NUP50: variants seen among roughly 807,000 people sequenced by gnomAD.
NUP50 encodes the protein nucleoporin 50.
Under a neutral mutation model 36.8 loss-of-function variants are expected in NUP50, and 14 were observed. The observed-to-expected ratio is 0.38, with a 90% CI of 0.25 to 0.59. NUP50 has a LOEUF of 0.59. Among genes scored for constraint, NUP50 ranks in the 20% least tolerant of loss-of-function variants. The pLI is 0.63. For missense variants in NUP50, 455 were observed against 564.6 expected (o/e 0.81, Z 1.97); for synonymous variants, 195 against 210.8 (o/e 0.93, Z 0.65).
chr22:45,185,702 T>C lies in NUP50; in HGVS notation c.*1047T>C, dbSNP rs1475188519. 1 of 152,264 alleles carries C rather than the reference T, an allele frequency of 6.6e-6. No homozygotes were observed. The highest frequency in any genetic ancestry group is 1.9e-4 in the East Asian group (1 of 5,200). The allele number at this position is 152,264 out of a possible 1,614,324, so 9.4% of individuals were successfully genotyped here. The stretch of plus-strand genomic sequence containing the variant: ...CATTTGATATCTGAAATATCTTTAC[T>C]TTTTTAAGAGTAAGATTCCATATGT... On this transcript the variant is annotated 3_prime_UTR_variant, in exon 8 of 8. Coordinates refer to ENST00000347635, the MANE Select transcript of NUP50 (RefSeq NM_007172.4).
intron 2 of NUP50, among the ~76,000 whole-genome samples, chr22:45,170,804 C>G (rs550322085): frequency 6.6e-6 from 1 of 152,284 alleles, no homozygotes; most frequent in Non-Finnish European, 1.5e-5. Flanking sequence ...TGAAAGAACT[C>G]CCATTCGAAC....
chr22:45,171,978 A>G (rs900420697), intron 3 of NUP50: 6 of 309,458 alleles, frequency 1.9e-5, no homozygotes, highest in Non-Finnish European at 3.7e-5. Context: ...GATTGGAGGA[A>G]GAAAGGAAAA....
At chr22:45,170,451 C>G (rs879383849) in intron 2 of NUP50, among the ~76,000 whole-genome samples, 2 of 152,206 alleles carry the variant, frequency 1.3e-5, no homozygotes, top group Admixed American at 1.3e-4. Context: ...AGGTTAACAG[C>G]ATAGTGCTAA....
chr22:45,164,953 T>A (rs370642536), intron 1 of NUP50: 1 of 152,210 alleles, frequency 6.6e-6, no homozygotes, highest in Non-Finnish European at 1.5e-5. Context: ...GCTTGGAGAT[T>A]AGGTATTTCT....
At chr22:45,174,575 C>G (rs2147681783) in intron 3 of NUP50, among the ~76,000 whole-genome samples, 1 of 152,210 alleles carries the variant, frequency 6.6e-6, no homozygotes, top group East Asian at 1.9e-4. Flanking sequence ...ATTCTAGAGC[C>G]AATTTACTAT....
chr22:45,171,815 G>C, intron 3 of NUP50, 132 bp downstream of exon 3: 1 of 708,218 alleles, frequency 1.4e-6, no homozygotes, highest in Non-Finnish European at 2.4e-6. Flanking sequence ...GTAGGTCATG[G>C]GAGATAGAAA....
chr22:45,168,888 T>C (rs1437035551), intron 2 of NUP50, among the ~76,000 whole-genome samples: 1 of 134,764 alleles, frequency 7.4e-6, no homozygotes, highest in Non-Finnish European at 1.5e-5. Context: ...TCCCGGTCTC[T>C]ATAAAAAAAA....
chr22:45,176,657 AT>A (rs1200039194), intron 4 of NUP50, among the ~76,000 whole-genome samples: 2 of 152,190 alleles, frequency 1.3e-5, no homozygotes, highest in East Asian at 3.8e-4. Flanking sequence ...TATTTAGCTG[AT>A]TATTCTGAGA....
At position 45,184,455 on chromosome 22, in the gene NUP50, A is replaced by G; in HGVS notation, c.1207A>G (p.Asn403Asp). 1 of 1,613,938 alleles carries G rather than the reference A, an allele frequency of 6.2e-7. No homozygotes were observed. The part of the protein sequence containing the change: ...LLVRADTNLG[N>D]ILLNVLIPPN... ...GGGTTTTGTTTGTTTGAATGCAGGC[A>G]ACATATTGCTGAACGTTCTGATTCC... The change falls in exon 8 of 8, where the codon AAC becomes GAC. Residue 403 changes from asparagine to aspartate, a missense_variant and splice_region_variant. Asn to Asp is a conservative substitution (Grantham distance 23). Around this residue, in one of 3 missense-constraint regions of NUP50, gnomAD observed 287 missense variants for 345.5 expected, o/e 0.83. Transcript: ENST00000347635.
At chr22:45,171,044 A>G in intron 2 of NUP50, 1 of 1,304,096 alleles carries the variant, frequency 7.7e-7, no homozygotes, top group Non-Finnish European at 1.0e-6. Flanking sequence ...TCTGACGTGG[A>G]CATCAGAAGT....
rs767231299 is a variant in NUP50 at position 45,186,839 on chromosome 22, TTTGA to T, written c.*2187_*2190del. 9.8e-5 allele frequency: 15 copies of T among 152,736 alleles called. No homozygotes were observed. The highest frequency in any genetic ancestry group is 9.6e-4 in the East Asian group (5 of 5,184). The allele number at this position is 152,736 out of a possible 1,614,324, so 9.5% of individuals were successfully genotyped here. ...GCTTTAGGAACTGGTTGGTCTCCAC[TTTGA>T]TTATTAGTGTAAAGAGCCTGAGTAT... On this transcript the variant is annotated 3_prime_UTR_variant, in exon 8 of 8. Coordinates refer to ENST00000347635, the MANE Select transcript of NUP50 (RefSeq NM_007172.4).
intron 3 of NUP50, among the ~76,000 whole-genome samples, chr22:45,174,387 G>C (rs978480239): frequency 6.6e-6 from 1 of 152,092 alleles, no homozygotes; most frequent in South Asian, 2.1e-4. Context: ...CTGTTGCCCA[G>C]GGTGGTTTCA....
Position 45,184,433 on chromosome 22 carries a change from TTTTG to T in NUP50, c.1205-11_1205-8del, listed in dbSNP as rs539347841. 1,559 of 1,611,780 alleles carry T rather than the reference TTTTG, an allele frequency of 9.7e-4. 35 individuals are homozygous for T. In the South Asian group the frequency reaches 0.015, roughly 15 times the overall value. On this transcript the variant is annotated splice_polypyrimidine_tract_variant and intron_variant, in intron 7 of 7. Transcript: ENST00000347635. The stretch of plus-strand genomic sequence containing the variant: ...CTATAGCTTCTATAATTTTGATGGG[TTTTG>T]TTTGTTTGAATGCAGGCAACATATT...
rs1394154790 is a variant in NUP50, at chr22:45,181,442, C to T, written c.1085+75C>T. The T allele has an allele frequency of 1.0e-5, 9 of 878,798 alleles. No individual in the cohort carries two copies. The East Asian group carries it at 2.1e-4, about 20-fold the overall frequency. 54.4% of individuals were successfully genotyped at this position (878,798 alleles called of 1,614,324 possible). A position where few individuals can be genotyped will look rare whatever the true frequency, so the allele number is the denominator to read the frequency against. ...CATGCTTCAGGCTGGAGAATGTCCT[C>T]ACGGCACTTGACTGAGCTTCCAGTC... On this transcript the variant is annotated intron_variant, in intron 6 of 7. Transcript: ENST00000347635.
intron 1 of NUP50, among the ~76,000 whole-genome samples, chr22:45,167,040 A>G (rs2074105176): frequency 6.6e-6 from 1 of 152,222 alleles, no homozygotes; most frequent in South Asian, 2.1e-4. Context: ...GATACTAAAG[A>G]GTGATATGTC....
intron 7 of NUP50, chr22:45,184,135 TCTTC>T (rs377074702): frequency 9.6e-5 from 33 of 342,400 alleles, no homozygotes; most frequent in African/African-American, 6.5e-4. Flanking sequence ...GCCACCGTGT[TCTTC>T]CTTCAGTGCA....
rs867231488 is a variant in NUP50 at position 45,186,871 on chromosome 22, G to A, written c.*2216G>A. On this transcript the variant is annotated 3_prime_UTR_variant, in exon 8 of 8. Transcript: ENST00000347635. ...ATTAGTGTAAAGAGCCTGAGTATAC[G>A]TGGATTTCATTGTAAAATTTAACTC... The A allele has an allele frequency of 5.9e-5, 9 of 152,640 alleles. 1 individual carries two copies. The Middle Eastern group carries it at 0.01, about 173-fold the overall frequency. 9.5% of individuals were successfully genotyped at this position (152,640 alleles called of 1,614,324 possible). A position where few individuals can be genotyped will look rare whatever the true frequency, so the allele number is the denominator to read the frequency against.
intron 3 of NUP50, among the ~76,000 whole-genome samples, chr22:45,174,806 A>G (rs759947014): frequency 1.1e-4 from 16 of 152,280 alleles, no homozygotes; most frequent in Admixed American, 3.3e-4. Context: ...ACAAGTTACA[A>G]TTTTCCATTC....
chr22:45,176,205 GAA>G lies in NUP50; in HGVS notation c.340+127_340+128del, dbSNP rs1282480120. On this transcript the variant is annotated intron_variant, in intron 4 of 7. Transcript: ENST00000347635. ...GTGTGAGCAAAACCAGGGTGATAATGAAAGAGATGGAACTTAGGGAGGTGTCG... is the reference window on the plus strand; with the variant it reads ...GTGTGAGCAAAACCAGGGTGATAATGAGAGATGGAACTTAGGGAGGTGTCG... 8 of 1,033,718 alleles carry G rather than the reference GAA, an allele frequency of 7.7e-6. No homozygotes were observed. The Admixed American group carries it at 2.3e-4, about 30-fold the overall frequency. 64.0% of individuals were successfully genotyped at this position (1,033,718 alleles called of 1,614,324 possible).
Sources: gnomAD v4.1 joint callset for allele counts (sites outside exome capture counted in the v4.1 genomes callset) on GRCh38, gnomAD v4.1.1 for gene constraint, gnomAD v4.1.1 regional missense constraint, MANE v1.5 for transcripts, NCBI Gene and HGNC (gene_info 2026-07-23, HGNC 2026-07-21) for gene names.